The following SLC38A6 variants were observed in gnomAD, a reference collection of about 807,000 sequenced individuals.
The protein encoded by SLC38A6 is N system amino acid transporter NAT-1.
Under a neutral mutation model 65.0 loss-of-function variants are expected in SLC38A6, and 73 were observed. The observed-to-expected ratio is 1.12, with a 90% CI of 0.93 to 1.37. The LOEUF is 1.37. SLC38A6 is among the 40% of genes most tolerant of loss of function. SLC38A6 has a pLI of 0.00. For synonymous variants in SLC38A6, 183 were observed against 178.8 expected, an observed-to-expected ratio of 1.02 and a Z score of -0.19; for missense variants, 561 against 531.1, an observed-to-expected ratio of 1.06 and a Z score of -0.55.
intron 6 of SLC38A6, among the ~76,000 whole-genome samples, chr14:61,032,609 A>G (rs1271038676): frequency 1.3e-5 from 2 of 151,910 alleles, no homozygotes; most frequent in African/African-American, 4.8e-5. Flanking sequence ...TTAAAATTGT[A>G]CATCTTTTTA....
At chr14:61,083,725 A>C (rs573750015), downstream of SLC38A6, 6 of 1,546,158 alleles carry the variant, frequency 3.9e-6, no homozygotes, top group Admixed American at 2.0e-5. Context: ...GATGTTGTTT[A>C]ATCACCCAGT....
At chr14:61,064,168 G>A (rs1411054459) in intron 15 of SLC38A6, among the ~76,000 whole-genome samples, 3 of 152,126 alleles carry the variant, frequency 2.0e-5, no homozygotes, top group South Asian at 2.1e-4. Context: ...CTGAAACTAG[G>A]CACTTAGAAT....
At chr14:61,078,564 A>G (rs1032529866) in intron 15 of SLC38A6, among the ~76,000 whole-genome samples, 3 of 152,062 alleles carry the variant, frequency 2.0e-5, no homozygotes, top group Non-Finnish European at 4.4e-5. Context: ...GACTAGTGCC[A>G]TCGTCTTCCA....
intron 15 of SLC38A6, 90 bp downstream of exon 15, chr14:61,052,225 A>G (rs1483090251): frequency 2.1e-5 from 27 of 1,271,248 alleles, no homozygotes; most frequent in Non-Finnish European, 2.7e-5. Context: ...AAGAAAGTCA[A>G]TATATTTTAA....
intron 12 of SLC38A6, among the ~76,000 whole-genome samples, chr14:61,049,126 G>C (rs1394133017): frequency 6.6e-6 from 1 of 151,938 alleles, no homozygotes; most frequent in East Asian, 1.9e-4. Flanking sequence ...GCCTGTTTGG[G>C]GTCTCTTTTT....
chr14:61,060,891 GCGTC>G (rs1446667770), intron 15 of SLC38A6, among the ~76,000 whole-genome samples: 1 of 139,376 alleles, frequency 7.2e-6, no homozygotes, highest in Non-Finnish European at 1.6e-5. Flanking sequence ...TTTTCCAGGT[GCGTC>G]CGTCACCCCT....
chr14:61,048,954 C>T (rs2042335533), intron 12 of SLC38A6, among the ~76,000 whole-genome samples: 1 of 152,160 alleles, frequency 6.6e-6, no homozygotes, highest in Non-Finnish European at 1.5e-5. Context: ...GAAATAGAAT[C>T]CAGATTTCCT....
At chr14:60,989,460 A>T (rs750196298) in intron 3 of SLC38A6, among the ~76,000 whole-genome samples, 15 of 152,148 alleles carry the variant, frequency 9.9e-5, no homozygotes, top group African/African-American at 1.7e-4. Flanking sequence ...GTGGTGTCTC[A>T]TGCCCGTAAT....
chr14:61,013,050 T>C (rs1043923536), intron 3 of SLC38A6, among the ~76,000 whole-genome samples: 2 of 152,310 alleles, frequency 1.3e-5, no homozygotes, highest in Admixed American at 1.3e-4. Flanking sequence ...AGGACTTGCT[T>C]TATGAATCTG....
In SLC38A6 at chr14:61,043,463, C is replaced by CAGAT. The variant is rs747235258; in HGVS notation, c.705_708dup (p.Asp237ArgfsTer2). On this transcript the variant is annotated frameshift_variant, in exon 10 of 16. Coordinates refer to ENST00000267488, the MANE Select transcript of SLC38A6 (RefSeq NM_153811.3). LOFTEE classifies it high-confidence loss of function. ...GCTCTTAAACAGATTTCAAATGTTA[C>CAGAT]AGATGATTGTAAGCCAAAGCTCTTT... The CAGAT allele has an allele frequency of 1.2e-6, 2 of 1,607,758 alleles. No homozygotes were observed. Among genetic ancestry groups the CAGAT allele is most frequent in the Non-Finnish European group, 1.7e-6 (2 of 1,177,492 alleles).
downstream of SLC38A6, among the ~76,000 whole-genome samples, chr14:61,054,098 C>A (rs1276002012): frequency 6.6e-6 from 1 of 152,132 alleles, no homozygotes; most frequent in Non-Finnish European, 1.5e-5. Context: ...ATATGGCTAG[C>A]CAGTCATTCC....
At chr14:60,993,833 G>GA (rs1452274087) in intron 3 of SLC38A6, among the ~76,000 whole-genome samples, 2 of 152,144 alleles carry the variant, frequency 1.3e-5, no homozygotes, top group Non-Finnish European at 2.9e-5. Context: ...CCTTTAATGT[G>GA]AAAGATATAT....
At chr14:61,074,218 A>C (rs2043323072) in intron 15 of SLC38A6, among the ~76,000 whole-genome samples, 1 of 152,226 alleles carries the variant, frequency 6.6e-6, no homozygotes, top group Non-Finnish European at 1.5e-5. Flanking sequence ...ATATTTGCTG[A>C]ATAATTTGCA....
chr14:61,033,565 T>C (rs1184737513), intron 6 of SLC38A6, among the ~76,000 whole-genome samples: 1 of 152,126 alleles, frequency 6.6e-6, no homozygotes, highest in Non-Finnish European at 1.5e-5. Flanking sequence ...ATTTACAAAA[T>C]AAATGTATTT....
intron 2 of SLC38A6, among the ~76,000 whole-genome samples, chr14:60,983,231 A>C (rs985152530): frequency 2.0e-5 from 3 of 152,168 alleles, no homozygotes; most frequent in African/African-American, 7.2e-5. Context: ...TTCCCACTAA[A>C]CTGAAATCCT....
intron 2 of SLC38A6, among the ~76,000 whole-genome samples, chr14:60,983,104 C>A (rs1273163694): frequency 1.3e-5 from 2 of 152,152 alleles, no homozygotes; most frequent in African/African-American, 4.8e-5. Flanking sequence ...CAGGACTTAG[C>A]TTGTAGGCCA....
At chr14:60,989,478 C>T (rs978820200) in intron 3 of SLC38A6, among the ~76,000 whole-genome samples, 1 of 152,100 alleles carries the variant, frequency 6.6e-6, no homozygotes, top group Admixed American at 6.5e-5. Flanking sequence ...AATCCTAGCA[C>T]TTCGGGAGGC....
intron 3 of SLC38A6, among the ~76,000 whole-genome samples, chr14:61,011,817 C>T (rs2039592913): frequency 6.6e-6 from 1 of 152,186 alleles, no homozygotes; most frequent in African/African-American, 2.4e-5. Context: ...CATCGATGTT[C>T]ATCAGGGATA....
intron 5 of SLC38A6, among the ~76,000 whole-genome samples, chr14:61,029,663 A>T (rs1022582214): frequency 6.6e-6 from 1 of 152,168 alleles, no homozygotes; most frequent in African/African-American, 2.4e-5. Flanking sequence ...CAGAATTAGG[A>T]TCGTTATTAA....
Sources: allele counts gnomAD v4.1 joint callset (sites outside exome capture counted in the v4.1 genomes callset), GRCh38; gene constraint gnomAD v4.1.1; transcripts MANE v1.5; gene names NCBI Gene and HGNC (gene_info 2026-07-23, HGNC 2026-07-21).